HCRTR2: variants seen among roughly 807,000 people sequenced by gnomAD.
HCRTR2 encodes orexin receptor type 2.
A neutral mutation model predicts 49.0 loss-of-function variants in HCRTR2; 22 were observed. The observed-to-expected ratio is 0.45, with a 90% CI of 0.32 to 0.64. The LOEUF (loss-of-function observed/expected upper bound fraction) is 0.64. Among genes scored for constraint, HCRTR2 ranks in the 30% least tolerant of loss-of-function variants. The pLI is 0.04. For missense variants in HCRTR2, 491 were observed against 559.4 expected, an observed-to-expected ratio of 0.88 and a Z score of 1.23; for synonymous variants, 236 against 205.3, an observed-to-expected ratio of 1.15 and a Z score of -1.28.
intron 1 of HCRTR2, among the ~76,000 whole-genome samples, chr6:55,126,429 A>G (rs1372178124): frequency 6.6e-6 from 1 of 152,140 alleles, no homozygotes; most frequent in Admixed American, 6.6e-5. Context: ...TCACCAGAGG[A>G]GGCTGTAGAA....
chr6:55,174,381 C>T, upstream of HCRTR2: 1 of 604,734 alleles, frequency 1.7e-6, no homozygotes. Flanking sequence ...CCCGGTGCAA[C>T]ATCGCCTGTA....
chr6:55,155,510 A>T (rs1764718722), intron 1 of HCRTR2, among the ~76,000 whole-genome samples: 1 of 152,026 alleles, frequency 6.6e-6, no homozygotes, highest in African/African-American at 2.4e-5. Flanking sequence ...ACATCAGATG[A>T]TAATTTTGCT....
intron 1 of HCRTR2, among the ~76,000 whole-genome samples, chr6:55,138,952 T>C (rs550734295): frequency 6.6e-6 from 1 of 152,254 alleles, no homozygotes; most frequent in African/African-American, 2.4e-5. Flanking sequence ...ACCCTTGACA[T>C]ATGGAAGCCC....
intron 1 of HCRTR2, among the ~76,000 whole-genome samples, chr6:55,162,141 G>A (rs1159718159): frequency 6.6e-6 from 1 of 152,092 alleles, no homozygotes; most frequent in African/African-American, 2.4e-5. Flanking sequence ...TATCCACCAC[G>A]ATCAAGTTGG....
chr6:55,107,645 A>G lies in HCRTR2; in HGVS notation c.-378+1100A>G, dbSNP rs75186982. ...ATATATTAGTATTGTTGCAAAAATA[A>G]TAGTTTCACAAAATGTTTGACTTGC... is the stretch of plus-strand genomic sequence containing the variant. On this transcript the variant is annotated intron_variant, in intron 1 of 7. Coordinates refer to the HCRTR2 transcript ENST00000615358. 3.5e-3 allele frequency among the ~76,000 whole-genome samples: 527 copies of G among 151,972 alleles called. 7 individuals carry two copies. The highest frequency in any genetic ancestry group is 0.012 in the African/African-American group (501 of 41,490).
chr6:55,139,672 A>G (rs1340231690), intron 1 of HCRTR2, among the ~76,000 whole-genome samples: 1 of 152,148 alleles, frequency 6.6e-6, no homozygotes, highest in Non-Finnish European at 1.5e-5. Context: ...GTAAACCATA[A>G]ACTTCAAAGC....
At chr6:55,143,710 A>G (rs996427132) in intron 1 of HCRTR2, among the ~76,000 whole-genome samples, 12 of 151,912 alleles carry the variant, frequency 7.9e-5, no homozygotes, top group Non-Finnish European at 1.6e-4. Flanking sequence ...TAATTTGATG[A>G]GGATGGGTAA....
intron 1 of HCRTR2, among the ~76,000 whole-genome samples, chr6:55,245,375 ATATATATATATG>A (rs1167007892): frequency 6.9e-6 from 1 of 144,502 alleles, no homozygotes; most frequent in Admixed American, 7.0e-5. Flanking sequence ...GTGTGTGTAT[ATATATATATATG>A]TATATATATA....
At chr6:55,165,028 A>G (rs1189344862) in intron 1 of HCRTR2, among the ~76,000 whole-genome samples, 1 of 152,226 alleles carries the variant, frequency 6.6e-6, no homozygotes, top group Admixed American at 6.5e-5. Context: ...TTCAATTGAT[A>G]TACAAAAGAA....
intron 1 of HCRTR2, among the ~76,000 whole-genome samples, chr6:55,158,737 G>T (rs1764764487): frequency 6.6e-6 from 1 of 152,212 alleles, no homozygotes; most frequent in South Asian, 2.1e-4. Context: ...AGCCACTATA[G>T]CCAGAATGCC....
rs145196441 is a variant in HCRTR2, at chr6:55,191,623, A to T, written c.223+16813A>T. Among the ~76,000 whole-genome samples, 4 of 152,302 alleles carry T rather than the reference A, an allele frequency of 2.6e-5. No homozygotes were observed. In the East Asian group the frequency reaches 7.7e-4, roughly 29 times the overall value. On this transcript the variant is annotated intron_variant, in intron 1 of 6. Transcript: ENST00000370862. Reference sequence around the variant, plus strand: ...AATGTCAGGAGTTATTGGTCACAAAATAAACACCAGAATTATATGACAGTC... The same window carrying T: ...AATGTCAGGAGTTATTGGTCACAAATTAAACACCAGAATTATATGACAGTC...
chr6:55,162,736 A>G (rs1764823891), intron 1 of HCRTR2, among the ~76,000 whole-genome samples: 1 of 151,258 alleles, frequency 6.6e-6, no homozygotes, highest in African/African-American at 2.4e-5. Context: ...CTCCCATTCA[A>G]AATACCTAGG....
At chr6:55,257,092 G>A (rs1375253282) in intron 3 of HCRTR2, among the ~76,000 whole-genome samples, 1 of 151,978 alleles carries the variant, frequency 6.6e-6, no homozygotes, top group Non-Finnish European at 1.5e-5. Context: ...TCCACATCAT[G>A]GATACTACAT....
Position 55,155,945 on chromosome 6 carries a change from C to T in HCRTR2, c.-377-18266C>T, listed in dbSNP as rs71560896. Among the ~76,000 whole-genome samples, 1,138 of 151,950 alleles carry T rather than the reference C, an allele frequency of 7.5e-3. 9 individuals are homozygous for T. Among genetic ancestry groups the T allele is most frequent in the Middle Eastern group, 0.031 (9 of 294 alleles). The stretch of plus-strand genomic sequence containing the variant: ...TCATAGATTAACTTGTTCTCTTCTA[C>T]TTCTAAGCTGTGTGATCTTGAAAAG... On this transcript the variant is annotated intron_variant, in intron 1 of 7. Transcript: ENST00000615358.
At position 55,252,963 on chromosome 6, in the gene HCRTR2, C is replaced by T. The variant is rs374475690; in HGVS notation, c.403-2173C>T. ...GACATTTTCATCTCAACTAACTGTC[C>T]ATACAATTCCATGGTTAGGTACTAT... On this transcript the variant is annotated intron_variant, in intron 2 of 6. Coordinates refer to ENST00000370862, the MANE Select transcript of HCRTR2 (RefSeq NM_001384272.1). Among the ~76,000 whole-genome samples the T allele has an allele frequency of 1.8e-4, 28 of 151,988 alleles. No individual in the cohort carries two copies. In the East Asian group the frequency reaches 5.4e-3, roughly 29 times the overall value.
At chr6:55,226,977 T>A (rs1188691560) in intron 1 of HCRTR2, among the ~76,000 whole-genome samples, 1 of 152,242 alleles carries the variant, frequency 6.6e-6, no homozygotes, top group South Asian at 2.1e-4. Context: ...CTTTTCTTAT[T>A]TCAAATTTAA....
chr6:55,114,372 A>G (rs115829335), intron 1 of HCRTR2, among the ~76,000 whole-genome samples: 3,978 of 151,936 alleles, frequency 0.026, 70 homozygotes, highest in Middle Eastern at 0.041. Context: ...TATGTGAGCT[A>G]CTTGGAAACT....
intron 1 of HCRTR2, among the ~76,000 whole-genome samples, chr6:55,247,006 G>C (rs190727302): frequency 6.6e-6 from 1 of 152,114 alleles, no homozygotes; most frequent in Admixed American, 6.6e-5. Flanking sequence ...TAAGAGTCCT[G>C]CGCATTTTCC....
At chr6:55,269,511 A>G (rs1478406125) in intron 4 of HCRTR2, among the ~76,000 whole-genome samples, 1 of 152,238 alleles carries the variant, frequency 6.6e-6, no homozygotes, top group Non-Finnish European at 1.5e-5. Context: ...GAGTTCAGCT[A>G]GTTTTCAGGA....
Sources: allele counts gnomAD v4.1 joint callset (sites outside exome capture counted in the v4.1 genomes callset), GRCh38; gene constraint gnomAD v4.1.1; transcripts MANE v1.5; gene names NCBI Gene and HGNC (gene_info 2026-07-23, HGNC 2026-07-21).